The following NUP107 variants were observed in gnomAD, a reference collection of about 807,000 sequenced individuals.
NUP107 encodes nucleoporin 107.
Under a neutral mutation model 141.0 loss-of-function variants are expected in NUP107, and 101 were observed. The observed-to-expected ratio is 0.72, with a 90% confidence interval of 0.61 to 0.84. NUP107 has a LOEUF of 0.84. Among genes scored for constraint, NUP107 ranks in the 40% least tolerant of loss-of-function variants. The pLI is 0.00. For missense variants in NUP107, 941 were observed against 1,102.7 expected, an observed-to-expected ratio of 0.85 and a Z score of 2.08; for synonymous variants, 319 against 363.9, an observed-to-expected ratio of 0.88 and a Z score of 1.41.
At chr12:68,723,780 T>G (rs548382338) in intron 17 of NUP107, among the ~76,000 whole-genome samples, 3 of 152,232 alleles carry the variant, frequency 2.0e-5, no homozygotes, top group Non-Finnish European at 4.4e-5. Flanking sequence ...ACTCACATTT[T>G]CTTGTCTATT....
intron 8 of NUP107, chr12:68,705,845 G>T: frequency 1.3e-6 from 1 of 776,226 alleles, no homozygotes; most frequent in Admixed American, 1.7e-5. Context: ...GTCAACCAGA[G>T]CCTGCTGAGC....
chr12:68,695,182 TAGTAC>T (rs1167133525), intron 5 of NUP107, among the ~76,000 whole-genome samples: 3 of 152,152 alleles, frequency 2.0e-5, no homozygotes, highest in Admixed American at 2.0e-4. Context: ...GAATGTAAAA[TAGTAC>T]AGCTGCTATG....
intron 26 of NUP107, among the ~76,000 whole-genome samples, chr12:68,739,453 G>A (rs752297223): frequency 6.6e-6 from 1 of 152,180 alleles, no homozygotes; most frequent in Non-Finnish European, 1.5e-5. Flanking sequence ...TGAGGTGAAT[G>A]TACTGTCTTC....
intron 8 of NUP107, among the ~76,000 whole-genome samples, chr12:68,703,367 A>G (rs1876426988): frequency 1.3e-5 from 2 of 152,096 alleles, no homozygotes; most frequent in South Asian, 4.1e-4. Flanking sequence ...ATATATATAA[A>G]CATACACTCA....
intron 8 of NUP107, chr12:68,706,045 A>G: frequency 1.2e-6 from 1 of 819,864 alleles, no homozygotes; most frequent in South Asian, 1.3e-5. Flanking sequence ...CAACATGGAC[A>G]ACATGTTCGA....
In NUP107 at chr12:68,742,687, A is replaced by G. The variant is rs1435463500; in HGVS notation, c.*225A>G. 3 of 234,312 alleles carry G rather than the reference A, an allele frequency of 1.3e-5. No individual in the cohort carries two copies. Among genetic ancestry groups the G allele is most frequent in the South Asian group, 1.7e-4 (1 of 6,012 alleles). The allele number at this position is 234,312 out of a possible 1,614,324, so 14.5% of individuals were successfully genotyped here. A position where few individuals can be genotyped will look rare whatever the true frequency, so the allele number is the denominator to read the frequency against. On this transcript the variant is annotated 3_prime_UTR_variant, in exon 28 of 28. Coordinates refer to ENST00000229179, the MANE Select transcript of NUP107 (RefSeq NM_020401.4). ...AAAATTAAAATTTTCTGTTTTTACA[A>G]ATTCCAGGGTTGTCTCTTTTTCATG...
chr12:68,744,599 G>C lies in NUP107; in HGVS notation c.*2137G>C, dbSNP rs1485790042. ...GGGTTTTGCCATGTTGGCCAGGCTG[G>C]TCTCAAACTCTTGACCTCAAGTGAT... On this transcript the variant is annotated 3_prime_UTR_variant, in exon 28 of 28. Coordinates refer to ENST00000229179, the MANE Select transcript of NUP107 (RefSeq NM_020401.4). The C allele has an allele frequency of 6.6e-6, 1 of 152,258 alleles. No individual in the cohort carries two copies. The highest frequency in any genetic ancestry group is 1.5e-5 in the Non-Finnish European group (1 of 68,088). The allele number at this position is 152,258 out of a possible 1,614,324, so 9.4% of individuals were successfully genotyped here. A position where few individuals can be genotyped will look rare whatever the true frequency, so the allele number is the denominator to read the frequency against.
intron 20 of NUP107, among the ~76,000 whole-genome samples, chr12:68,729,847 A>G (rs542991939): frequency 2.0e-5 from 3 of 151,372 alleles, no homozygotes; most frequent in South Asian, 2.1e-4. Context: ...CTGGAGTGCA[A>G]TGGCGCAATC....
chr12:68,735,454 A>C, intron 26 of NUP107, 110 bp downstream of exon 26: 1 of 736,064 alleles, frequency 1.4e-6, no homozygotes, highest in Non-Finnish European at 2.4e-6. Flanking sequence ...ATAATTGTAG[A>C]TATAGCTAAA....
intron 16 of NUP107, 30 bp from the exon 17 acceptor site, chr12:68,722,074 A>T: frequency 5.0e-6 from 8 of 1,612,250 alleles, no homozygotes; most frequent in Non-Finnish European, 6.8e-6. Context: ...TATTATTAAC[A>T]TTATTCTTTT....
At chr12:68,722,753 A>C (rs1428646550) in intron 17 of NUP107, among the ~76,000 whole-genome samples, 1 of 152,156 alleles carries the variant, frequency 6.6e-6, no homozygotes, top group Non-Finnish European at 1.5e-5. Flanking sequence ...ATTTAATGAT[A>C]ATCTCCAAGT....
chr12:68,687,193 G>C, intron 1 of NUP107, 120 bp downstream of exon 1: 1 of 1,388,280 alleles, frequency 7.2e-7, no homozygotes, highest in Non-Finnish European at 1.0e-6. Context: ...CTTCCCCTAA[G>C]GCTCCTTCCC....
rs1352804600 is a variant in NUP107 at position 68,719,660 on chromosome 12, A to G, written c.1251+6A>G. The G allele has an allele frequency of 6.3e-7, 1 of 1,577,938 alleles. No individual in the cohort carries two copies. Among genetic ancestry groups the G allele is most frequent in the Non-Finnish European group, 8.7e-7 (1 of 1,147,394 alleles). On this transcript the variant is annotated splice_donor_region_variant and intron_variant, in intron 14 of 27. Transcript: ENST00000229179. ...GCTGGAGAATGGCAGAAGATGTAAG[A>G]TAAATAAAATATTCAGTGATACTGT... is the stretch of plus-strand genomic sequence containing the variant.
intron 5 of NUP107, among the ~76,000 whole-genome samples, chr12:68,694,372 G>C (rs1298964355): frequency 6.6e-6 from 1 of 152,022 alleles, no homozygotes; most frequent in Non-Finnish European, 1.5e-5. Context: ...GTATATCTTT[G>C]AGATCTTAAA....
rs982466698 is a variant in NUP107, at chr12:68,743,857, GT to G, written c.*1399del. ...TCTAAAGAATTCATCTTGTCTTCCT[GT>G]TTTCTTTATTCTTACTAATATGCAA... On this transcript the variant is annotated 3_prime_UTR_variant, in exon 28 of 28. Coordinates refer to ENST00000229179, the MANE Select transcript of NUP107 (RefSeq NM_020401.4). The G allele has an allele frequency of 2.0e-4, 31 of 152,182 alleles. No individual in the cohort carries two copies. Among genetic ancestry groups the G allele is most frequent in the African/African-American group, 7.0e-4 (29 of 41,530 alleles). 9.4% of individuals were successfully genotyped at this position (152,182 alleles called of 1,614,324 possible).
chr12:68,709,970 G>A (rs1159171953), intron 9 of NUP107, 35 bp from the exon 10 acceptor site: 1 of 1,196,954 alleles, frequency 8.4e-7, no homozygotes, highest in Non-Finnish European at 1.2e-6. Flanking sequence ...AGATTTGGTA[G>A]TTAACACTAA....
At chr12:68,721,778 T>C in intron 15 of NUP107, 63 bp from the exon 16 acceptor site, 1 of 1,491,754 alleles carries the variant, frequency 6.7e-7, no homozygotes, top group East Asian at 2.3e-5. Flanking sequence ...TTGGATGTAA[T>C]TGCTTTTCCT....
intron 8 of NUP107, chr12:68,706,546 A>T: frequency 1.5e-6 from 1 of 675,758 alleles, no homozygotes; most frequent in Non-Finnish European, 2.7e-6. Context: ...ACAAAGACTG[A>T]GATCTCCAAG....
chr12:68,693,297 G>C (rs1293953419), intron 5 of NUP107, among the ~76,000 whole-genome samples: 1 of 151,886 alleles, frequency 6.6e-6, no homozygotes, highest in African/African-American at 2.4e-5. Context: ...GGCTGATCTC[G>C]AACTCCTGAC....
Sources: gnomAD v4.1 joint callset for allele counts (sites outside exome capture counted in the v4.1 genomes callset) on GRCh38, gnomAD v4.1.1 for gene constraint, MANE v1.5 for transcripts, NCBI Gene and HGNC (gene_info 2026-07-23, HGNC 2026-07-21) for gene names.